NECAB2: variants seen among roughly 807,000 people sequenced by gnomAD.
NECAB2 encodes the protein N-terminal EF-hand calcium binding protein 2, also known as N-terminal EF-hand calcium-binding protein 2.
In NECAB2, 68 loss-of-function variants were observed where a neutral mutation model predicts 51.9. The observed-to-expected ratio is 1.31, with a 90% confidence interval of 1.08 to 1.60. The LOEUF (loss-of-function observed/expected upper bound fraction) is 1.60. Among genes scored for constraint, NECAB2 ranks in the 40% most tolerant of loss-of-function variants. NECAB2 has a pLI of 0.00. For missense variants in NECAB2, 854 were observed against 490.3 expected (o/e 1.74, Z -7.00); for synonymous variants, 329 against 203.5 (o/e 1.62, Z -5.25).
chr16:83,977,717 C>G (rs2084431129), intron 2 of NECAB2, among the ~76,000 whole-genome samples: 1 of 152,150 alleles, frequency 6.6e-6, no homozygotes, highest in Non-Finnish European at 1.5e-5. Context: ...CATCTGTGGC[C>G]TGGGAGAGGA....
chr16:84,002,259 C>T, intron 12 of NECAB2, 59 bp from the exon 13 acceptor site: 1 of 1,588,026 alleles, frequency 6.3e-7, no homozygotes, highest in East Asian at 2.2e-5. Context: ...CGACCACCAC[C>T]AGCTACGAGG....
chr16:83,998,117 G>T (rs2292328), intron 9 of NECAB2, 88 bp from the exon 10 acceptor site: 35 of 1,155,968 alleles, frequency 3.0e-5, no homozygotes, highest in South Asian at 6.6e-5. Context: ...TATTTTGACC[G>T]AGGAAGGGAG....
Position 83,996,164 on chromosome 16 carries a change from G to A in NECAB2, c.796-1052G>A, listed in dbSNP as rs547245714. Among the ~76,000 whole-genome samples the A allele has an allele frequency of 5.3e-5, 8 of 152,324 alleles. 1 individual carries two copies. The East Asian group carries it at 1.5e-3, about 29-fold the overall frequency. ...AGGGGCCCCTGGCTGGGAGAAGAAT[G>A]GGGCAGATACAGGGGCCACAGTGCC... On this transcript the variant is annotated intron_variant, in intron 8 of 12. Coordinates refer to ENST00000305202, the MANE Select transcript of NECAB2 (RefSeq NM_019065.3).
At chr16:83,969,900 C>G (rs1485266480) in intron 1 of NECAB2, among the ~76,000 whole-genome samples, 1 of 152,218 alleles carries the variant, frequency 6.6e-6, no homozygotes, top group East Asian at 1.9e-4. Context: ...CTCTCCTCTT[C>G]CCTGCTCCTG....
intron 10 of NECAB2, among the ~76,000 whole-genome samples, chr16:83,999,598 CT>C (rs2084780594): frequency 6.6e-6 from 1 of 152,252 alleles, no homozygotes; most frequent in Non-Finnish European, 1.5e-5. Flanking sequence ...TTGGCCCCCG[CT>C]TTATGGTCAC....
chr16:83,975,378 T>C (rs2084397556), intron 2 of NECAB2, among the ~76,000 whole-genome samples: 1 of 149,870 alleles, frequency 6.7e-6, no homozygotes, highest in Non-Finnish European at 1.5e-5. Context: ...GTGCAGGGGG[T>C]GCAGATGTGG....
chr16:83,974,899 T>TGTGCAGGGAGGCGTGG (rs1341965170), intron 2 of NECAB2, among the ~76,000 whole-genome samples: 29 of 138,968 alleles, frequency 2.1e-4, no homozygotes, highest in Non-Finnish European at 4.3e-4. Context: ...TGAGAGCAGG[T>TGTGCAGGGAGGCGTGG]GTGCAGGGAG....
At chr16:83,988,048 C>T (rs1343237024) in intron 5 of NECAB2, among the ~76,000 whole-genome samples, 1 of 152,194 alleles carries the variant, frequency 6.6e-6, no homozygotes, top group Non-Finnish European at 1.5e-5. Context: ...GTACCTTATG[C>T]TGTTCAATCA....
chr16:83,987,606 A>G (rs2084572228), intron 5 of NECAB2, among the ~76,000 whole-genome samples: 1 of 151,884 alleles, frequency 6.6e-6, no homozygotes. Context: ...CTTTTACCTA[A>G]TTTTTTAACA....
intron 10 of NECAB2, among the ~76,000 whole-genome samples, chr16:83,999,133 G>A (rs1350537180): frequency 6.6e-6 from 1 of 152,192 alleles, no homozygotes; most frequent in Admixed American, 6.5e-5. Context: ...GTCTTCTTGG[G>A]CCCCCTGTGC....
At chr16:83,983,996 GTTTTT>G (rs552020138) in intron 5 of NECAB2, among the ~76,000 whole-genome samples, 2 of 125,288 alleles carry the variant, frequency 1.6e-5, no homozygotes, top group Non-Finnish European at 3.3e-5. Context: ...ATATATGGTG[GTTTTT>G]TTTTTTTTTT....
At chr16:83,994,748 A>C in intron 8 of NECAB2, 60 bp downstream of exon 8, 3 of 1,578,928 alleles carry the variant, frequency 1.9e-6, no homozygotes, top group Non-Finnish European at 2.6e-6. Flanking sequence ...GTGCAGAGTT[A>C]AGCCTGGAGT....
In NECAB2 at chr16:83,968,574, G is replaced by C. The variant is rs1235825931; in HGVS notation, c.-75G>C. ...CGGGGCGGCGCGGGCAGCGCGGGGAGGGGGTCGCGCGGGGGCGGGCCGCAG... is the reference window on the plus strand; with the variant it reads ...CGGGGCGGCGCGGGCAGCGCGGGGACGGGGTCGCGCGGGGGCGGGCCGCAG... On this transcript the variant is annotated 5_prime_UTR_variant, in exon 1 of 13. Coordinates refer to ENST00000305202, the MANE Select transcript of NECAB2 (RefSeq NM_019065.3). 1.0e-6 allele frequency: 1 copy of C among 960,500 alleles called. No homozygotes were observed. Among genetic ancestry groups the C allele is most frequent in the East Asian group, 1.2e-4 (1 of 8,534 alleles). 59.5% of individuals were successfully genotyped at this position (960,500 alleles called of 1,614,324 possible). A position where few individuals can be genotyped will look rare whatever the true frequency, so the allele number is the denominator to read the frequency against.
intron 6 of NECAB2, 33 bp from the exon 7 acceptor site, chr16:83,994,269 C>T: frequency 6.2e-7 from 1 of 1,605,758 alleles, no homozygotes. Flanking sequence ...AAGCCACCGC[C>T]ATGGTCTGTG....
chr16:83,996,582 A>C (rs1422638421), intron 8 of NECAB2, among the ~76,000 whole-genome samples: 1 of 150,484 alleles, frequency 6.6e-6, no homozygotes, highest in South Asian at 2.1e-4. Flanking sequence ...AAGCAGCAGC[A>C]TGAGCCTGTG....
At position 83,968,267 on chromosome 16, in the gene NECAB2, A is replaced by AGG; in HGVS notation, c.-377_-376dup. 6.6e-6 allele frequency among the ~76,000 whole-genome samples: 1 copy of AGG among 150,652 alleles called. No homozygotes were observed. Among genetic ancestry groups the AGG allele is most frequent in the East Asian group, 2.0e-4 (1 of 4,972 alleles). On this transcript the variant is annotated 5_prime_UTR_variant, in exon 1 of 13. Coordinates refer to ENST00000305202, the MANE Select transcript of NECAB2 (RefSeq NM_019065.3). ...GCCTCTGCTGCGCGCCGCGAGTGGG[A>AGG]GGGGGGACTTTAGAAGCGGGGAGAG...
intron 6 of NECAB2, chr16:83,993,692 G>A (rs1232224512): frequency 6.3e-5 from 10 of 158,832 alleles, no homozygotes; most frequent in African/African-American, 2.2e-4. Flanking sequence ...GTGGCTAGCT[G>A]TGCCTGTCAG....
At chr16:83,974,614 C>T (rs889087230) in intron 2 of NECAB2, among the ~76,000 whole-genome samples, 4 of 152,192 alleles carry the variant, frequency 2.6e-5, no homozygotes, top group African/African-American at 9.7e-5. Flanking sequence ...TATCAACCCC[C>T]ACCCTCCTTC....
intron 5 of NECAB2, among the ~76,000 whole-genome samples, chr16:83,984,096 C>G (rs559993699): frequency 6.6e-6 from 1 of 150,526 alleles, no homozygotes; most frequent in African/African-American, 2.4e-5. Context: ...CCCGGGTTCA[C>G]GCCATTCTCC....
Sources: allele counts gnomAD v4.1 joint callset (sites outside exome capture counted in the v4.1 genomes callset), GRCh38; gene constraint gnomAD v4.1.1; transcripts MANE v1.5; gene names NCBI Gene and HGNC (gene_info 2026-07-23, HGNC 2026-07-21).